The following TANC2 variants were observed in gnomAD, a reference collection of about 807,000 sequenced individuals.
The protein encoded by TANC2 is protein TANC2.
In TANC2, 26 loss-of-function variants were observed where a neutral mutation model predicts 210.5. That is an observed-to-expected ratio of 0.12 (90% CI 0.09 to 0.17). The LOEUF is 0.17. Among genes scored for constraint, TANC2 ranks in the 10% least tolerant of loss-of-function variants. TANC2 has a pLI of 1.00. For synonymous variants in TANC2, 931 were observed against 967.1 expected, an observed-to-expected ratio of 0.96 and a Z score of 0.69; for missense variants, 2,129 against 2,608.9, an observed-to-expected ratio of 0.82 and a Z score of 4.01.
intron 4 of TANC2, among the ~76,000 whole-genome samples, chr17:63,121,006 G>C (rs1412098845): frequency 6.6e-6 from 1 of 151,760 alleles, no homozygotes; most frequent in Non-Finnish European, 1.5e-5. Context: ...ACTTAAACAT[G>C]TTGTCCTAAT....
intron 2 of TANC2, among the ~76,000 whole-genome samples, chr17:63,023,517 A>T (rs571377389): frequency 6.6e-6 from 1 of 152,216 alleles, no homozygotes; most frequent in Admixed American, 6.5e-5. Context: ...TGGCCGAAAG[A>T]TTATTCTGGA....
At chr17:62,982,628 C>T (rs753839322) in intron 1 of TANC2, among the ~76,000 whole-genome samples, 7 of 152,184 alleles carry the variant, frequency 4.6e-5, no homozygotes, top group Non-Finnish European at 1.5e-5. Flanking sequence ...GTCTTTCTCC[C>T]TTTAGTACCC....
chr17:63,094,663 A>C (rs563712210), intron 3 of TANC2, among the ~76,000 whole-genome samples: 15 of 152,144 alleles, frequency 9.9e-5, no homozygotes, highest in Non-Finnish European at 1.8e-4. Flanking sequence ...TTAATATCTA[A>C]TAATCATTTA....
chr17:63,055,987 AAAAATATATATATATATAT>A (rs1463001132), intron 2 of TANC2, among the ~76,000 whole-genome samples: 12 of 14,526 alleles, frequency 8.3e-4, no homozygotes, highest in East Asian at 3.5e-3. Flanking sequence ...AAAAAAAAAA[AAAAATATATATATATATAT>A]ATATATATAT....
intron 1 of TANC2, among the ~76,000 whole-genome samples, chr17:62,995,476 A>G (rs1471483190): frequency 6.6e-6 from 1 of 152,230 alleles, no homozygotes; most frequent in Non-Finnish European, 1.5e-5. Flanking sequence ...GTGTTGAGGT[A>G]AAGAAACACT....
chr17:63,207,025 T>TGAA (rs2041737422), intron 7 of TANC2, among the ~76,000 whole-genome samples: 1 of 152,096 alleles, frequency 6.6e-6, no homozygotes, highest in Non-Finnish European at 1.5e-5. Flanking sequence ...AGCCTTCTTC[T>TGAA]GTATCTCTTC....
chr17:63,401,269 C>T (rs1364178409), intron 19 of TANC2, among the ~76,000 whole-genome samples: 1 of 152,170 alleles, frequency 6.6e-6, no homozygotes, highest in Non-Finnish European at 1.5e-5. Flanking sequence ...CAACCAGGAC[C>T]TAAGTGACAA....
chr17:63,032,263 G>C (rs72843168), intron 2 of TANC2, among the ~76,000 whole-genome samples: 21,537 of 152,046 alleles, frequency 0.14, 1,980 homozygotes, highest in Middle Eastern at 0.21. Flanking sequence ...GGTCAACTCC[G>C]GTCTTATTTA....
At chr17:63,184,014 CA>C (rs570141267) in intron 5 of TANC2, among the ~76,000 whole-genome samples, 1,942 of 117,492 alleles carry the variant, frequency 0.017, 37 homozygotes, top group African/African-American at 0.052. Context: ...GACTCCGTCT[CA>C]AAAAAAAAAA....
At chr17:62,976,284 AAC>A (rs1598173556) in intron 1 of TANC2, among the ~76,000 whole-genome samples, 2 of 152,270 alleles carry the variant, frequency 1.3e-5, no homozygotes, top group East Asian at 1.9e-4. Context: ...TGATTATGTA[AAC>A]AGTTTTAACT....
Position 63,418,515 on chromosome 17 carries a change from T to G in TANC2, c.4268+108T>G. The G allele has an allele frequency of 1.0e-6, 1 of 960,276 alleles. No homozygotes were observed. The highest frequency in any genetic ancestry group is 1.6e-6 in the Non-Finnish European group (1 of 643,750). The allele number at this position is 960,276 out of a possible 1,614,324, so 59.5% of individuals were successfully genotyped here. On this transcript the variant is annotated intron_variant, in intron 27 of 27. Coordinates refer to ENST00000689528, the Ensembl canonical transcript of TANC2. The surrounding 1 kb of genome is among the most constrained non-coding windows in gnomAD (Gnocchi z 4.6). Reference sequence around the variant, plus strand: ...ATGTACCCAAATACATCTCTGTCCTTGAGAACTGTCAGGGCCAAGCTTTGG... The same window carrying G: ...ATGTACCCAAATACATCTCTGTCCTGGAGAACTGTCAGGGCCAAGCTTTGG...
intron 5 of TANC2, among the ~76,000 whole-genome samples, chr17:63,160,216 A>T (rs796293567): frequency 3.9e-5 from 6 of 152,344 alleles, no homozygotes; most frequent in African/African-American, 1.4e-4. Context: ...GGGAGACACA[A>T]ACATTCAGTC....
chr17:63,389,372 C>T, exon 17 of TANC2: 1 of 1,613,978 alleles, frequency 6.2e-7, no homozygotes, highest in Non-Finnish European at 8.5e-7. Context: ...TTAAATAATG[C>T]TCCAATTCTA....
intron 2 of TANC2, among the ~76,000 whole-genome samples, chr17:63,068,391 G>A (rs1185875449): frequency 2.0e-5 from 3 of 152,054 alleles, no homozygotes; most frequent in African/African-American, 7.2e-5. Flanking sequence ...GCAGAAATTT[G>A]GTTGCTCTTA....
intron 14 of TANC2, among the ~76,000 whole-genome samples, chr17:63,370,328 G>A (rs1416624447): frequency 2.6e-5 from 4 of 151,918 alleles, no homozygotes; most frequent in South Asian, 2.1e-4. Context: ...ACAGGCATCC[G>A]CCACCACTCC....
intron 9 of TANC2, 80 bp downstream of exon 9, chr17:63,267,953 A>G (rs1484515832): frequency 6.8e-7 from 1 of 1,480,720 alleles, no homozygotes; most frequent in East Asian, 2.4e-5. Context: ...TTTGTCTCCT[A>G]TTCCCATACT....
rs1380625741 is a variant in TANC2, at chr17:63,229,845, C to G, written c.770-7969C>G. On this transcript the variant is annotated intron_variant, in intron 7 of 27. Coordinates refer to ENST00000689528, the Ensembl canonical transcript of TANC2. ...AGTGTATTGGTGTGATCTCAGCTCACTACAACCTCTGCCCTCTGGGTTGAA... is the reference window on the plus strand; with the variant it reads ...AGTGTATTGGTGTGATCTCAGCTCAGTACAACCTCTGCCCTCTGGGTTGAA... Among the ~76,000 whole-genome samples the G allele has an allele frequency of 4.0e-5, 6 of 150,712 alleles. No homozygotes were observed. The East Asian group carries it at 1.2e-3, about 29-fold the overall frequency.
Position 63,418,350 on chromosome 17 carries a change from T to C in TANC2, c.4211T>C (p.Leu1404Pro), listed in dbSNP as rs1297980683. The C allele has an allele frequency of 6.2e-7, 1 of 1,613,424 alleles. No homozygotes were observed. Among genetic ancestry groups the C allele is most frequent in the South Asian group, 1.1e-5 (1 of 90,742 alleles). The change falls in exon 27 of 28, where the codon CTG becomes CCG. Residue 1404 changes from leucine to proline, a missense_variant. By Grantham distance (98) the Leu-to-Pro change is moderately conservative. This residue lies in a region of TANC2 where 644 missense variants were observed against 937.5 expected (regional missense o/e 0.69). Coordinates refer to ENST00000689528, the Ensembl canonical transcript of TANC2. The surrounding 1 kb of genome is among the most constrained non-coding windows in gnomAD (Gnocchi z 4.6). ...GAATTTGCTACTAAGGCCCTGGAGC[T>C]GAAACCGAAATCTTATGAAGCTTAC...
rs368038568 is a variant in TANC2 at position 63,406,111 on chromosome 17, C to T, written c.3466-43C>T. On this transcript the variant is annotated intron_variant, in intron 20 of 27. Transcript: ENST00000689528. ...TAGTGTGCACGTGTCTTCTCAGCAG[C>T]TCTTCTTTGGGCTAATTGGTCCCTG... 1,791 of 1,610,706 alleles carry T rather than the reference C, an allele frequency of 1.1e-3. 34 individuals carry two copies. In the South Asian group the frequency reaches 0.019, roughly 17 times the overall value.
Sources: allele counts gnomAD v4.1 joint callset (sites outside exome capture counted in the v4.1 genomes callset), GRCh38; gene constraint gnomAD v4.1.1; regional missense constraint gnomAD v4.1.1; non-coding constraint Gnocchi (gnomAD v3.1); transcripts MANE v1.5; gene names NCBI Gene and HGNC (gene_info 2026-07-23, HGNC 2026-07-21).